The following PRR5L variants were observed in gnomAD, a reference collection of about 807,000 sequenced individuals.
PRR5L encodes proline rich 5 like, also known as proline-rich protein 5-like.
In PRR5L, 21 loss-of-function variants were observed where a neutral mutation model predicts 36.4. That is an observed-to-expected ratio of 0.58 (90% CI 0.41 to 0.83). The LOEUF (loss-of-function observed/expected upper bound fraction) is 0.83. Ranked by LOEUF, PRR5L falls within the 40% of genes least tolerant of loss-of-function variation. The probability of loss-of-function intolerance (pLI) is 0.00; values close to 1 mark genes in which losing one functional copy is unlikely to be tolerated. For missense variants in PRR5L, 381 were observed against 473.3 expected (o/e 0.80, Z 1.81); for synonymous variants, 188 against 197.0 (o/e 0.95, Z 0.38).
intron 2 of PRR5L, among the ~76,000 whole-genome samples, chr11:36,402,903 C>G (rs1354501613): frequency 6.6e-6 from 1 of 152,228 alleles, no homozygotes; most frequent in Admixed American, 6.5e-5. Flanking sequence ...GGCCACCAAG[C>G]TTCCCTGTGA....
intron 1 of PRR5L, among the ~76,000 whole-genome samples, chr11:36,337,778 G>A (rs541687901): frequency 3.9e-5 from 6 of 152,342 alleles, no homozygotes; most frequent in Admixed American, 3.3e-4. Context: ...CAGGACGAAA[G>A]TGTGAAGTCT....
intron 3 of PRR5L, among the ~76,000 whole-genome samples, chr11:36,410,442 A>G (rs918494540): frequency 6.6e-6 from 1 of 152,086 alleles, no homozygotes; most frequent in African/African-American, 2.4e-5. Context: ...CCACTGCCTG[A>G]TTAGGTTGGC....
At chr11:36,350,978 ATT>A (rs1491406069) in intron 1 of PRR5L, among the ~76,000 whole-genome samples, 675 of 37,618 alleles carry the variant, frequency 0.018, 159 homozygotes, top group African/African-American at 0.09. Flanking sequence ...ATTTATATAT[ATT>A]TATATATTTA....
intron 8 of PRR5L, among the ~76,000 whole-genome samples, chr11:36,454,394 C>T (rs964727095): frequency 6.6e-6 from 1 of 152,186 alleles, no homozygotes; most frequent in African/African-American, 2.4e-5. Flanking sequence ...CCGTCTACCC[C>T]TTAGTAAAAG....
At chr11:36,440,822 G>A (rs1858706218) in intron 6 of PRR5L, among the ~76,000 whole-genome samples, 1 of 152,202 alleles carries the variant, frequency 6.6e-6, no homozygotes, top group African/African-American at 2.4e-5. Context: ...GGCAACAGGG[G>A]AGCCAGTGTA....
At chr11:36,339,897 C>T (rs1856802268) in intron 1 of PRR5L, among the ~76,000 whole-genome samples, 1 of 152,240 alleles carries the variant, frequency 6.6e-6, no homozygotes. Flanking sequence ...ACCTACCACT[C>T]CCCATCCGAG....
At chr11:36,451,174 C>T in intron 7 of PRR5L, 35 bp from the exon 8 acceptor site, 2 of 1,611,706 alleles carry the variant, frequency 1.2e-6, no homozygotes, top group African/African-American at 2.7e-5. Flanking sequence ...GCAATGAACA[C>T]TGACCTTTGT....
intron 1 of PRR5L, among the ~76,000 whole-genome samples, chr11:36,378,523 C>G (rs368261629): frequency 3.3e-5 from 5 of 152,298 alleles, no homozygotes; most frequent in Admixed American, 6.5e-5. Context: ...AAGAAAGGCA[C>G]TAGAAATAAG....
At chr11:36,403,120 C>A (rs562001861) in intron 2 of PRR5L, among the ~76,000 whole-genome samples, 178 bp from the exon 3 acceptor site, 7 of 152,172 alleles carry the variant, frequency 4.6e-5, no homozygotes, top group African/African-American at 1.7e-4. Flanking sequence ...TGAGTCCTTT[C>A]GCCTTTGGTC....
rs1241032292 is a variant in PRR5L at position 36,351,306 on chromosome 11, A to T, written c.-125-49691A>T. ...TGTATATTTATATATTTATATATAT[A>T]TTTATATATATTTATAAATATTTAT... On this transcript the variant is annotated intron_variant, in intron 1 of 8. Coordinates refer to ENST00000530639, the MANE Select transcript of PRR5L (RefSeq NM_001160167.2). Among the ~76,000 whole-genome samples the T allele has an allele frequency of 2.1e-3, 149 of 70,922 alleles. 8 individuals are homozygous for T. Among genetic ancestry groups the T allele is most frequent in the African/African-American group, 7.6e-3 (141 of 18,446 alleles). The allele number at this position is 70,922 out of a possible 152,430, so 46.5% of individuals were successfully genotyped here.
intron 8 of PRR5L, among the ~76,000 whole-genome samples, chr11:36,459,487 T>G (rs1424308607): frequency 6.6e-6 from 1 of 152,206 alleles, no homozygotes; most frequent in African/African-American, 2.4e-5. Context: ...CCCTAGGGTT[T>G]CCTTCCTTCT....
intron 3 of PRR5L, among the ~76,000 whole-genome samples, chr11:36,407,479 T>A (rs1421107316): frequency 1.3e-5 from 2 of 152,064 alleles, no homozygotes; most frequent in Non-Finnish European, 2.9e-5. Context: ...CCTCAAAGAG[T>A]GGTGCCTGGA....
At chr11:36,438,382 C>T (rs980374508) in intron 6 of PRR5L, among the ~76,000 whole-genome samples, 3 of 152,178 alleles carry the variant, frequency 2.0e-5, no homozygotes, top group African/African-American at 4.8e-5. Context: ...GTAGAATGAC[C>T]TTATACCACA....
At chr11:36,314,529 G>T (rs1856535738) in intron 1 of PRR5L, among the ~76,000 whole-genome samples, 1 of 152,210 alleles carries the variant, frequency 6.6e-6, no homozygotes, top group Non-Finnish European at 1.5e-5. Flanking sequence ...TCTCTCCAAA[G>T]TCCCACTTGG....
At chr11:36,376,750 G>A in intron 1 of PRR5L, 1 of 981,300 alleles carries the variant, frequency 1.0e-6, no homozygotes, top group Non-Finnish European at 1.2e-6. Context: ...CGGAGTCATA[G>A]GCTCAGCAAC....
rs372842261 is a variant in PRR5L at position 36,413,006 on chromosome 11, A to G, written c.246-6249A>G. Reference sequence around the variant, plus strand: ...AGTGAGGAAGCGTCTGCCAAGTTCCACTGGAGATGGTGTATCGGAACAGAG... The same window carrying G: ...AGTGAGGAAGCGTCTGCCAAGTTCCGCTGGAGATGGTGTATCGGAACAGAG... On this transcript the variant is annotated intron_variant, in intron 3 of 8. Coordinates refer to ENST00000530639, the MANE Select transcript of PRR5L (RefSeq NM_001160167.2). 1.8e-4 allele frequency among the ~76,000 whole-genome samples: 28 copies of G among 152,274 alleles called. No individual in the cohort carries two copies. The South Asian group carries it at 5.6e-3, about 30-fold the overall frequency.
intron 1 of PRR5L, among the ~76,000 whole-genome samples, chr11:36,338,511 A>G (rs1856788995): frequency 6.6e-6 from 1 of 152,040 alleles, no homozygotes; most frequent in Non-Finnish European, 1.5e-5. Context: ...TCTTCTTTGG[A>G]TTAGTTGAAA....
chr11:36,302,546 G>C (rs1317718122), intron 1 of PRR5L, among the ~76,000 whole-genome samples: 1 of 151,956 alleles, frequency 6.6e-6, no homozygotes, highest in Non-Finnish European at 1.5e-5. Flanking sequence ...AGCACTTTGG[G>C]AGGCCAAGGC....
chr11:36,416,924 A>G (rs745871117), intron 3 of PRR5L, among the ~76,000 whole-genome samples: 3 of 152,136 alleles, frequency 2.0e-5, no homozygotes, highest in Non-Finnish European at 4.4e-5. Context: ...TTGTTCAGTC[A>G]TATCTAGCCC....
Sources: gnomAD v4.1 joint callset for allele counts (sites outside exome capture counted in the v4.1 genomes callset) on GRCh38, gnomAD v4.1.1 for gene constraint, MANE v1.5 for transcripts, NCBI Gene and HGNC (gene_info 2026-07-23, HGNC 2026-07-21) for gene names.